Variants in SOCS6 observed in about 807,000 individuals in gnomAD.
The protein encoded by SOCS6 is suppressor of cytokine signaling 6, also known as STAT induced STAT inhibitor-4.
A neutral mutation model predicts 27.7 loss-of-function variants in SOCS6; 5 were observed. The observed-to-expected ratio is 0.18, with a 90% confidence interval of 0.09 to 0.38. SOCS6 has a LOEUF of 0.38. Ranked by LOEUF, SOCS6 falls within the 10% of genes least tolerant of loss-of-function variation. The probability of loss-of-function intolerance (pLI) is 1.00; values close to 1 mark genes in which losing one functional copy is unlikely to be tolerated. For missense variants in SOCS6, 595 were observed against 688.1 expected, an observed-to-expected ratio of 0.86 and a Z score of 1.51; for synonymous variants, 271 against 260.0, an observed-to-expected ratio of 1.04 and a Z score of -0.41.
intron 1 of SOCS6, among the ~76,000 whole-genome samples, chr18:70,290,611 C>T (rs2062294592): frequency 6.6e-6 from 1 of 152,162 alleles, no homozygotes; most frequent in Non-Finnish European, 1.5e-5. Context: ...AAACACCCTC[C>T]CTAAGCCTGC....
chr18:70,296,781 T>C (rs1490331999), intron 1 of SOCS6: 1 of 152,208 alleles, frequency 6.6e-6, no homozygotes, highest in East Asian at 1.9e-4. Context: ...GATTGTTCTT[T>C]TCTACTTTGG....
At position 70,312,771 on chromosome 18, in the gene SOCS6, A is replaced by ATTTTT. The variant is rs375997089; in HGVS notation, c.-126-11756_-126-11752dup. On this transcript the variant is annotated intron_variant, in intron 1 of 1. Coordinates refer to ENST00000397942, the MANE Select transcript of SOCS6 (RefSeq NM_004232.4). ...TTTCCATTACGCCAAAATTCTTTGG[A>ATTTTT]TTTTTTTTTTTTTTTTTTTTGAGAT... Among the ~76,000 whole-genome samples the ATTTTT allele has an allele frequency of 1.1e-3, 136 of 121,948 alleles. 6 individuals are homozygous for ATTTTT. The highest frequency in any genetic ancestry group is 4.0e-3 in the East Asian group (16 of 3,956). 80.0% of individuals were successfully genotyped at this position (121,948 alleles called of 152,430 possible).
In SOCS6 at chr18:70,327,411, G is replaced by A. The variant is rs1264650486; in HGVS notation, c.*1135G>A. 6.0e-6 allele frequency: 1 copy of A among 166,692 alleles called. No individual in the cohort carries two copies. The highest frequency in any genetic ancestry group is 2.4e-5 in the African/African-American group (1 of 41,396). 10.3% of individuals were successfully genotyped at this position (166,692 alleles called of 1,614,324 possible). ...CCCCACTATAAAGAGAACCCGTGAT[G>A]ACTTTAGTTTAAAAATTGTGGAAAT... On this transcript the variant is annotated 3_prime_UTR_variant, in exon 2 of 2. Coordinates refer to ENST00000397942, the MANE Select transcript of SOCS6 (RefSeq NM_004232.4).
chr18:70,295,243 A>G (rs1225792653), intron 1 of SOCS6, among the ~76,000 whole-genome samples: 2 of 152,212 alleles, frequency 1.3e-5, no homozygotes, highest in South Asian at 2.1e-4. Flanking sequence ...ATCAAAAACA[A>G]TTTCAATAGT....
At chr18:70,318,612 G>A (rs890153477) in intron 1 of SOCS6, among the ~76,000 whole-genome samples, 1 of 149,898 alleles carries the variant, frequency 6.7e-6, no homozygotes, top group Non-Finnish European at 1.5e-5. Context: ...ACATATTATT[G>A]TTGTTTTTTT....
intron 1 of SOCS6, 58 bp from the exon 2 acceptor site, chr18:70,324,485 A>G (rs1458977518): frequency 7.9e-6 from 4 of 504,450 alleles, no homozygotes; most frequent in Admixed American, 3.8e-5. Flanking sequence ...ACTGACTAAA[A>G]CAAAACTTTT....
intron 1 of SOCS6, among the ~76,000 whole-genome samples, chr18:70,324,175 G>A (rs769242147): frequency 5.9e-5 from 9 of 152,122 alleles, no homozygotes; most frequent in East Asian, 1.9e-4. Context: ...GGTGGTGGGC[G>A]TCTGTAGTCC....
intron 1 of SOCS6, among the ~76,000 whole-genome samples, chr18:70,290,259 G>A (rs1328836654): frequency 6.6e-6 from 1 of 152,142 alleles, no homozygotes; most frequent in Admixed American, 6.5e-5. Flanking sequence ...TCAAACAAAA[G>A]TAAACGTTCT....
At chr18:70,307,106 T>TA (rs974637456) in intron 1 of SOCS6, among the ~76,000 whole-genome samples, 1 of 151,834 alleles carries the variant, frequency 6.6e-6, no homozygotes, top group Non-Finnish European at 1.5e-5. Flanking sequence ...TTACAAAAAA[T>TA]AAAAAAATTA....
chr18:70,309,294 A>G (rs565198845), intron 1 of SOCS6, among the ~76,000 whole-genome samples: 1 of 152,348 alleles, frequency 6.6e-6, no homozygotes, highest in African/African-American at 2.4e-5. Context: ...AAAGGATGAT[A>G]TGCTGAATTT....
chr18:70,324,459 A>G, intron 1 of SOCS6, 84 bp from the exon 2 acceptor site: 1 of 429,864 alleles, frequency 2.3e-6, no homozygotes, highest in Non-Finnish European at 4.1e-6. Context: ...TCTCGTTCAG[A>G]AGTTAAAGGA....
chr18:70,304,729 T>A (rs1486795513), intron 1 of SOCS6, among the ~76,000 whole-genome samples: 1 of 152,256 alleles, frequency 6.6e-6, no homozygotes, highest in Non-Finnish European at 1.5e-5. Context: ...GATATTTTCT[T>A]CTAGCCTGTG....
chr18:70,295,212 C>T (rs1174310566), intron 1 of SOCS6, among the ~76,000 whole-genome samples: 2 of 152,248 alleles, frequency 1.3e-5, no homozygotes, highest in Non-Finnish European at 2.9e-5. Flanking sequence ...GAATGTATGG[C>T]TCCTATTAGA....
chr18:70,290,788 T>C (rs2062295481), intron 1 of SOCS6, among the ~76,000 whole-genome samples: 1 of 144,282 alleles, frequency 6.9e-6, no homozygotes, highest in South Asian at 2.1e-4. Flanking sequence ...AGCATCTCTT[T>C]TGAAACACTG....
rs975230250 is a variant in SOCS6, at chr18:70,330,040, A to G, written c.*3764A>G. ...GGTGTGTACCATTTGTACTGAGAAC[A>G]CCACAGAATGAATTATCCAAAGTCC... is the stretch of plus-strand genomic sequence containing the variant. On this transcript the variant is annotated 3_prime_UTR_variant, in exon 2 of 2. Transcript: ENST00000397942. 1.2e-5 allele frequency: 2 copies of G among 167,104 alleles called. No homozygotes were observed. Among genetic ancestry groups the G allele is most frequent in the Non-Finnish European group, 2.9e-5 (2 of 68,118 alleles). 10.4% of individuals were successfully genotyped at this position (167,104 alleles called of 1,614,324 possible).
intron 1 of SOCS6, among the ~76,000 whole-genome samples, chr18:70,320,291 A>G (rs1454837535): frequency 1.3e-5 from 2 of 152,200 alleles, no homozygotes; most frequent in Non-Finnish European, 2.9e-5. Flanking sequence ...TTTGAATGTT[A>G]TAGAGTAAAA....
At chr18:70,299,436 TA>T (rs2062338440) in intron 1 of SOCS6, among the ~76,000 whole-genome samples, 1 of 152,118 alleles carries the variant, frequency 6.6e-6, no homozygotes, top group Admixed American at 6.5e-5. Context: ...TGTGCCCTCC[TA>T]GGGTGGCCTC....
intron 1 of SOCS6, among the ~76,000 whole-genome samples, chr18:70,312,296 T>C (rs1198465892): frequency 6.6e-6 from 1 of 152,182 alleles, no homozygotes; most frequent in Non-Finnish European, 1.5e-5. Flanking sequence ...ATTAGGTCAA[T>C]GATCAAGTAA....
Position 70,325,777 on chromosome 18 carries a change from C to T in SOCS6, c.1109C>T (p.Thr370Ile). ...SVQSSGPMVV[T>I]SLTEELKKLA... ...CAAAGTAGTGGTCCCATGGTTGTGA[C>T]AAGCCTTACAGAGGAGCTGAAAAAA... The change falls in exon 2 of 2, where the codon ACA becomes ATA. Residue 370 changes from threonine to isoleucine, a missense_variant. Coordinates refer to ENST00000397942, the MANE Select transcript of SOCS6 (RefSeq NM_004232.4). This position sits in a 1 kb window ranked among gnomAD's most constrained non-coding sequence, Gnocchi z 6.3. 1 of 1,614,228 alleles carries T rather than the reference C, an allele frequency of 6.2e-7. No individual in the cohort carries two copies. Among genetic ancestry groups the T allele is most frequent in the Non-Finnish European group, 8.5e-7 (1 of 1,180,038 alleles).
Sources: gnomAD v4.1 joint callset for allele counts (sites outside exome capture counted in the v4.1 genomes callset) on GRCh38, gnomAD v4.1.1 for gene constraint, Gnocchi (gnomAD v3.1) non-coding constraint, MANE v1.5 for transcripts, NCBI Gene and HGNC (gene_info 2026-07-23, HGNC 2026-07-21) for gene names.